ZMIZ1: variants seen among roughly 807,000 people sequenced by gnomAD.
ZMIZ1 encodes zinc finger MIZ-type containing 1, also known as zinc finger MIZ domain-containing protein 1.
Under a neutral mutation model 113.9 loss-of-function variants are expected in ZMIZ1, and 17 were observed. That is an observed-to-expected ratio of 0.15 (90% CI 0.10 to 0.22). ZMIZ1 has a LOEUF of 0.22. ZMIZ1 is among the 10% of genes least tolerant of loss of function. ZMIZ1 has a pLI of 1.00. For synonymous variants in ZMIZ1, 607 were observed against 603.1 expected, an observed-to-expected ratio of 1.01 and a Z score of -0.09; for missense variants, 1,059 against 1,477.8, an observed-to-expected ratio of 0.72 and a Z score of 4.65.
At chr10:79,089,839 T>C (rs1024008304) in intron 1 of ZMIZ1, among the ~76,000 whole-genome samples, 4 of 149,134 alleles carry the variant, frequency 2.7e-5, no homozygotes, top group African/African-American at 7.3e-5. Flanking sequence ...CACATGTCCA[T>C]GTGTGCCCTT....
Position 79,293,452 on chromosome 10 carries a change from G to A in ZMIZ1, c.1029G>A (p.Gly343=). 6.5e-7 allele frequency: 1 copy of A among 1,548,980 alleles called. No homozygotes were observed. The highest frequency in any genetic ancestry group is 8.7e-7 in the Non-Finnish European group (1 of 1,146,760). Residue 343 remains glycine (G), a synonymous_variant, in exon 12 of 25, where the codon GGG becomes GGA. Transcript: ENST00000334512. ...GGCCGCGGGGGCCTGCCTCCATGGG[G>A]GGCAGCATGAACCCCGCGAGCATGG... ...QPGPRGPASM[G]GSMNPASMAA...
At chr10:79,227,942 T>TAG (rs1029551368) in intron 7 of ZMIZ1, among the ~76,000 whole-genome samples, 1 of 152,088 alleles carries the variant, frequency 6.6e-6, no homozygotes, top group Admixed American at 6.5e-5. Flanking sequence ...AAGGGGAAAG[T>TAG]AGAGAGCTGG....
At chr10:79,221,909 TG>T (rs1321009557) in intron 7 of ZMIZ1, among the ~76,000 whole-genome samples, 2 of 152,258 alleles carry the variant, frequency 1.3e-5, no homozygotes, top group Non-Finnish European at 2.9e-5. Context: ...TTCCTGAGGC[TG>T]GCCTCACAGC....
intron 1 of ZMIZ1, among the ~76,000 whole-genome samples, chr10:79,085,034 C>T (rs1052367879): frequency 6.6e-6 from 1 of 152,124 alleles, no homozygotes. Flanking sequence ...GGACGCTGCC[C>T]GCTCCGCATT....
At chr10:79,168,621 T>C (rs1282288558) in intron 4 of ZMIZ1, among the ~76,000 whole-genome samples, 2 of 152,228 alleles carry the variant, frequency 1.3e-5, no homozygotes, top group Admixed American at 6.5e-5. Flanking sequence ...GTTAATGTGC[T>C]TGTGGGCCGT....
At chr10:79,292,407 A>G in intron 11 of ZMIZ1, 51 bp downstream of exon 11, 1 of 1,577,888 alleles carries the variant, frequency 6.3e-7, no homozygotes, top group South Asian at 1.1e-5. Context: ...AGCCAGGCAG[A>G]CAGCCCTGGG....
intron 2 of ZMIZ1, among the ~76,000 whole-genome samples, chr10:79,135,666 C>G (rs1844969804): frequency 6.6e-6 from 1 of 152,150 alleles, no homozygotes. Flanking sequence ...AGCTAAGGGT[C>G]AGGGTCAGCG....
chr10:79,159,260 G>A (rs1359996830), intron 3 of ZMIZ1, among the ~76,000 whole-genome samples: 1 of 152,234 alleles, frequency 6.6e-6, no homozygotes, highest in Non-Finnish European at 1.5e-5. Flanking sequence ...CTCGTCTCCT[G>A]CCCTCTCTTC....
intron 4 of ZMIZ1, among the ~76,000 whole-genome samples, chr10:79,165,077 G>A (rs939163917): frequency 6.6e-6 from 1 of 152,282 alleles, no homozygotes; most frequent in Non-Finnish European, 1.5e-5. Flanking sequence ...GTTGGGTAGG[G>A]GGGTGGGGAG....
chr10:79,178,572 T>G (rs146760650), intron 4 of ZMIZ1, among the ~76,000 whole-genome samples: 2 of 152,326 alleles, frequency 1.3e-5, no homozygotes, highest in East Asian at 3.9e-4. Context: ...ACATCCTTGG[T>G]GGCCCTGAGA....
chr10:79,189,921 C>T (rs1338527102), intron 4 of ZMIZ1, among the ~76,000 whole-genome samples: 1 of 152,218 alleles, frequency 6.6e-6, no homozygotes, highest in Non-Finnish European at 1.5e-5. Context: ...AGTAGCCTCA[C>T]ACCCAGAGAC....
chr10:79,251,337 A>T (rs1434250441), intron 7 of ZMIZ1, among the ~76,000 whole-genome samples: 3 of 152,302 alleles, frequency 2.0e-5, no homozygotes, highest in Admixed American at 6.5e-5. Flanking sequence ...CATTCCAGCC[A>T]GCACCTTGAG....
rs180715564 is a variant in ZMIZ1, at chr10:79,211,628, G to C, written c.174+3179G>C. ...GTCATACTCACTTCTAAGCAGCTCA[G>C]GCACAATTAAAGTGACCCCAGACCT... is the stretch of plus-strand genomic sequence containing the variant. On this transcript the variant is annotated intron_variant, in intron 6 of 24. Coordinates refer to ENST00000334512, the MANE Select transcript of ZMIZ1 (RefSeq NM_020338.4). 6.6e-5 allele frequency among the ~76,000 whole-genome samples: 10 copies of C among 152,340 alleles called. No homozygotes were observed. The East Asian group carries it at 1.9e-3, about 29-fold the overall frequency.
Position 79,162,402 on chromosome 10 carries a change from G to T in ZMIZ1, c.-50+269G>T, listed in dbSNP as rs541798297. ...CAGGTCTGCCCGGGGAGAGGGGCAGGTCTGGCCACCTGGTCTTGGCACAGC... is the reference window on the plus strand; with the variant it reads ...CAGGTCTGCCCGGGGAGAGGGGCAGTTCTGGCCACCTGGTCTTGGCACAGC... On this transcript the variant is annotated intron_variant, in intron 4 of 24. Transcript: ENST00000334512. 7.2e-5 allele frequency among the ~76,000 whole-genome samples: 11 copies of T among 152,298 alleles called. No individual in the cohort carries two copies. In the East Asian group the frequency reaches 2.1e-3, roughly 29 times the overall value.
chr10:79,162,006 G>C (rs956111404), intron 3 of ZMIZ1, 47 bp from the exon 4 acceptor site: 1 of 398,930 alleles, frequency 2.5e-6, no homozygotes, highest in Non-Finnish European at 4.4e-6. Flanking sequence ...GGTCAGTGCC[G>C]GGCCTCTACT....
intron 2 of ZMIZ1, among the ~76,000 whole-genome samples, chr10:79,137,816 G>A (rs1845072704): frequency 6.9e-6 from 1 of 145,234 alleles, no homozygotes; most frequent in South Asian, 2.1e-4. Context: ...TGAGAGGACG[G>A]GCCCTCGGCT....
intron 1 of ZMIZ1, among the ~76,000 whole-genome samples, chr10:79,096,436 C>CA (rs567886105): frequency 0.019 from 2,847 of 152,146 alleles, 37 homozygotes; most frequent in Non-Finnish European, 0.031. Flanking sequence ...GGCGTGAACC[C>CA]GGGAGGCGGA....
intron 16 of ZMIZ1, among the ~76,000 whole-genome samples, chr10:79,299,900 C>T (rs568417263): frequency 6.6e-5 from 10 of 151,716 alleles, no homozygotes; most frequent in Admixed American, 6.5e-4. Flanking sequence ...ACCCTTCAGT[C>T]CTTCATCCTC....
At chr10:79,283,205 A>G (rs75709236) in intron 8 of ZMIZ1, among the ~76,000 whole-genome samples, 3 of 152,334 alleles carry the variant, frequency 2.0e-5, no homozygotes, top group Non-Finnish European at 4.4e-5. Flanking sequence ...ATGAACCCCA[A>G]CAGAGAGGCT....
Sources: allele counts gnomAD v4.1 joint callset (sites outside exome capture counted in the v4.1 genomes callset), GRCh38; gene constraint gnomAD v4.1.1; transcripts MANE v1.5; gene names NCBI Gene and HGNC (gene_info 2026-07-23, HGNC 2026-07-21).